Variants in CLVS1 observed in about 807,000 individuals in gnomAD.
The protein encoded by CLVS1 is clavesin-1.
In CLVS1, 10 loss-of-function variants were observed where a neutral mutation model predicts 33.1. The ratio of observed to expected loss-of-function variants is 0.30; its 90% CI spans 0.19 to 0.51. The LOEUF (loss-of-function observed/expected upper bound fraction) is 0.51. CLVS1 is among the 20% of genes least tolerant of loss of function. CLVS1 has a pLI of 0.97. For missense variants in CLVS1, 343 were observed against 433.4 expected (o/e 0.79, Z 1.85); for synonymous variants, 163 against 166.1 (o/e 0.98, Z 0.14).
At chr8:61,020,041 G>C in the CLVS1 span, among the ~76,000 whole-genome samples, 1 of 152,224 alleles carries the variant, frequency 6.6e-6, no homozygotes, top group Non-Finnish European at 1.5e-5. Flanking sequence ...CTTGTGCAGA[G>C]AGAGGCCAGT....
the CLVS1 span, among the ~76,000 whole-genome samples, chr8:60,981,687 A>G: frequency 3.1e-4 from 47 of 152,300 alleles, no homozygotes; most frequent in African/African-American, 1.1e-3. Context: ...ATTGGAGGAG[A>G]TGCTAAATTT....
intron 3 of CLVS1, among the ~76,000 whole-genome samples, chr8:61,406,619 G>C (rs564681966): frequency 6.9e-5 from 9 of 129,510 alleles, no homozygotes; most frequent in Admixed American, 2.2e-4. Context: ...TTTTTTTTGT[G>C]GGGGGGGGGA....
intron 3 of CLVS1, among the ~76,000 whole-genome samples, chr8:61,391,894 C>T (rs771093952): frequency 5.9e-5 from 9 of 152,168 alleles, no homozygotes; most frequent in Non-Finnish European, 8.8e-5. Flanking sequence ...AAAGAAATGA[C>T]ATCTTGATAG....
At chr8:61,293,447 T>G (rs748605470) in intron 1 of CLVS1, among the ~76,000 whole-genome samples, 9 of 152,166 alleles carry the variant, frequency 5.9e-5, no homozygotes, top group Non-Finnish European at 1.2e-4. Context: ...GTCAGCACCA[T>G]GGAACATGTA....
At chr8:61,140,464 C>T (rs1806287876) in intron 2 of CLVS1, among the ~76,000 whole-genome samples, 1 of 152,226 alleles carries the variant, frequency 6.6e-6, no homozygotes, top group South Asian at 2.1e-4. Flanking sequence ...CAAATTCCTA[C>T]CTGGCACCAG....
At chr8:61,120,963 T>TC (rs1254824102) in intron 1 of CLVS1, among the ~76,000 whole-genome samples, 1 of 148,626 alleles carries the variant, frequency 6.7e-6, no homozygotes. Flanking sequence ...CGGGTGCCCC[T>TC]CCCCCAGCCT....
chr8:60,992,503 T>G, the CLVS1 span, among the ~76,000 whole-genome samples: 11 of 152,212 alleles, frequency 7.2e-5, no homozygotes, highest in Non-Finnish European at 1.3e-4. Flanking sequence ...AGAGGAGCCA[T>G]CTGAAGCAGA....
chr8:61,326,971 C>A (rs1000127968), intron 2 of CLVS1, among the ~76,000 whole-genome samples: 2 of 152,128 alleles, frequency 1.3e-5, no homozygotes, highest in Non-Finnish European at 2.9e-5. Context: ...TTCAGTTCAG[C>A]TAAAGGATTT....
At chr8:61,258,322 T>C (rs1222407640) in intron 2 of CLVS1, among the ~76,000 whole-genome samples, 1 of 152,238 alleles carries the variant, frequency 6.6e-6, no homozygotes, top group Non-Finnish European at 1.5e-5. Flanking sequence ...GTCTCAGTTT[T>C]CCAAAAGATT....
At chr8:61,060,710 C>G (rs940457282) in intron 1 of CLVS1, among the ~76,000 whole-genome samples, 1 of 152,110 alleles carries the variant, frequency 6.6e-6, no homozygotes, top group Non-Finnish European at 1.5e-5. Flanking sequence ...ATGGACTCTA[C>G]CAGACTTCAT....
chr8:61,324,754 G>C (rs1027547413), intron 2 of CLVS1, among the ~76,000 whole-genome samples: 7 of 152,108 alleles, frequency 4.6e-5, no homozygotes, highest in African/African-American at 1.7e-4. Flanking sequence ...GGATATTGCT[G>C]GGTTGAATTG....
At chr8:61,296,960 T>G (rs1260844319) in intron 1 of CLVS1, among the ~76,000 whole-genome samples, 3 of 152,176 alleles carry the variant, frequency 2.0e-5, no homozygotes. Context: ...TGTGTGGGAC[T>G]GCTTTGACTT....
intron 2 of CLVS1, chr8:61,202,737 G>C: frequency 6.4e-7 from 1 of 1,574,208 alleles, no homozygotes; most frequent in Non-Finnish European, 8.6e-7. Flanking sequence ...AAGATGAAGA[G>C]GAGGAGGATG....
At chr8:61,443,213 A>G (rs118148486) in intron 3 of CLVS1, among the ~76,000 whole-genome samples, 2,170 of 152,302 alleles carry the variant, frequency 0.014, 24 homozygotes, top group Non-Finnish European at 0.023. Flanking sequence ...ATGAGCTTTC[A>G]CAGAGCAAGT....
At chr8:61,185,579 T>G (rs1472232205) in intron 2 of CLVS1, among the ~76,000 whole-genome samples, 1 of 152,162 alleles carries the variant, frequency 6.6e-6, no homozygotes. Context: ...GTACTGAAAA[T>G]TTCTGTAAAT....
chr8:61,196,031 A>C (rs1344100642), intron 2 of CLVS1, among the ~76,000 whole-genome samples: 1 of 152,182 alleles, frequency 6.6e-6, no homozygotes, highest in African/African-American at 2.4e-5. Flanking sequence ...ACTGGATAAG[A>C]TAATTCCAAA....
At chr8:61,472,316 C>T (rs1817761268) in intron 5 of CLVS1, among the ~76,000 whole-genome samples, 1 of 151,700 alleles carries the variant, frequency 6.6e-6, no homozygotes, top group South Asian at 2.1e-4. Flanking sequence ...ATAATAGGTG[C>T]TCATGACATA....
intron 3 of CLVS1, among the ~76,000 whole-genome samples, chr8:61,396,310 A>G (rs1031363762): frequency 3.3e-5 from 5 of 152,308 alleles, no homozygotes; most frequent in Admixed American, 3.3e-4. Context: ...TGTAATTTGA[A>G]TACATATTTT....
chr8:61,203,544 TAA>T (rs58097822), intron 2 of CLVS1, among the ~76,000 whole-genome samples: 295 of 149,854 alleles, frequency 2.0e-3, no homozygotes, highest in African/African-American at 4.4e-3. Context: ...TTTAATAAAG[TAA>T]AAAAAAAAAA....
Sources: gnomAD v4.1 joint callset for allele counts (sites outside exome capture counted in the v4.1 genomes callset) on GRCh38, gnomAD v4.1.1 for gene constraint, MANE v1.5 for transcripts, NCBI Gene and HGNC (gene_info 2026-07-23, HGNC 2026-07-21) for gene names.